Variants in PDE4D observed in about 807,000 individuals in gnomAD.
PDE4D encodes phosphodiesterase 4D, also known as 3',5'-cyclic-AMP phosphodiesterase 4D.
A neutral mutation model predicts 87.4 loss-of-function variants in PDE4D; 24 were observed. That is an observed-to-expected ratio of 0.27 (90% CI 0.20 to 0.39). PDE4D has a LOEUF of 0.39. PDE4D is among the 10% of genes least tolerant of loss of function. The pLI is 1.00. For synonymous variants in PDE4D, 384 were observed against 383.2 expected (o/e 1.00, Z -0.02); for missense variants, 714 against 1,041.0 (o/e 0.69, Z 4.32).
At chr5:59,775,478 A>C (rs1422940389) in intron 1 of PDE4D, among the ~76,000 whole-genome samples, 1 of 151,924 alleles carries the variant, frequency 6.6e-6, no homozygotes, top group Non-Finnish European at 1.5e-5. Flanking sequence ...TATTACCCAC[A>C]TTTTAAATCT....
At chr5:59,549,243 A>C (rs1188019955) in intron 1 of PDE4D, among the ~76,000 whole-genome samples, 1 of 152,210 alleles carries the variant, frequency 6.6e-6, no homozygotes, top group East Asian at 1.9e-4. Context: ...TATGGCCTCC[A>C]AACAGCCAGC....
chr5:59,046,420 A>ATGTGTGTGTG (rs34085161), intron 5 of PDE4D, among the ~76,000 whole-genome samples: 24 of 143,436 alleles, frequency 1.7e-4, no homozygotes, highest in African/African-American at 6.3e-4. Flanking sequence ...GAGAGAGAGA[A>ATGTGTGTGTG]TGTGTGTGTG....
intron 3 of PDE4D, among the ~76,000 whole-genome samples, chr5:59,971,199 G>A (rs867876017): frequency 2.5e-4 from 28 of 112,882 alleles, no homozygotes; most frequent in Middle Eastern, 5.6e-3. Context: ...ACACTCTGGG[G>A]ACTGTTGTGG....
At chr5:59,323,800 G>A (rs919919359) in intron 1 of PDE4D, among the ~76,000 whole-genome samples, 2 of 151,472 alleles carry the variant, frequency 1.3e-5, no homozygotes, top group Non-Finnish European at 2.9e-5. Flanking sequence ...TTTTTGAAGT[G>A]CATATTTAAT....
At chr5:59,504,902 ATGTGTGTG>A (rs61507201) in intron 1 of PDE4D, among the ~76,000 whole-genome samples, 42,909 of 145,730 alleles carry the variant, frequency 0.29, 6,482 homozygotes, top group Non-Finnish European at 0.35. Context: ...GTAGGGGTAT[ATGTGTGTG>A]TGTGTGTGTG....
intron 1 of PDE4D, among the ~76,000 whole-genome samples, chr5:59,487,345 T>C (rs1448146575): frequency 1.3e-5 from 2 of 152,062 alleles, no homozygotes; most frequent in African/African-American, 2.4e-5. Context: ...TGCAGAGAAA[T>C]AGAAATAGCT....
intron 2 of PDE4D, among the ~76,000 whole-genome samples, chr5:60,014,661 T>C (rs2152847430): frequency 6.6e-6 from 1 of 152,280 alleles, no homozygotes; most frequent in East Asian, 1.9e-4. Context: ...CTTGGGGAAA[T>C]AGCTTTCGCC....
intron 1 of PDE4D, among the ~76,000 whole-genome samples, chr5:59,557,638 A>G (rs945972359): frequency 9.2e-5 from 14 of 152,210 alleles, no homozygotes; most frequent in African/African-American, 3.4e-4. Context: ...AGCAGTTCAC[A>G]CTAACAACTG....
chr5:59,649,904 C>CTTTTTTTTTTTTTTTTTTTTTTT, intron 1 of PDE4D, among the ~76,000 whole-genome samples: 1,074 of 73,964 alleles, frequency 0.015, 384 homozygotes, highest in Middle Eastern at 0.034. Context: ...AGTTTGTGAA[C>CTTTTTTTTTTTTTTTTTTTTTTT]CTTTTTTTTT....
At chr5:60,105,126 C>T (rs12515661) in intron 2 of PDE4D, among the ~76,000 whole-genome samples, 34,764 of 152,022 alleles carry the variant, frequency 0.23, 5,066 homozygotes, top group Admixed American at 0.34. Context: ...AAAATTTAGA[C>T]GAACGTATAG....
intron 1 of PDE4D, among the ~76,000 whole-genome samples, chr5:59,374,481 C>T (rs1265371922): frequency 6.6e-6 from 1 of 152,122 alleles, no homozygotes; most frequent in Non-Finnish European, 1.5e-5. Flanking sequence ...ATCTAATTAT[C>T]CTAAATATAT....
At chr5:59,427,759 G>A (rs1299907333) in intron 1 of PDE4D, among the ~76,000 whole-genome samples, 1 of 148,956 alleles carries the variant, frequency 6.7e-6, no homozygotes, top group African/African-American at 2.5e-5. Flanking sequence ...GTTCTAGGCT[G>A]CCCTGATCTA....
intron 1 of PDE4D, among the ~76,000 whole-genome samples, chr5:59,583,877 C>T (rs1438960690): frequency 2.6e-5 from 4 of 152,234 alleles, no homozygotes; most frequent in African/African-American, 7.2e-5. Context: ...AGGACCAGCA[C>T]ATGCCAAGTC....
intron 5 of PDE4D, among the ~76,000 whole-genome samples, chr5:59,121,423 T>C (rs751855414): frequency 6.6e-6 from 1 of 151,968 alleles, no homozygotes; most frequent in South Asian, 2.1e-4. Flanking sequence ...AAAGAAGACA[T>C]ACAAATGTCC....
chr5:60,392,695 T>C (rs925651681), intron 1 of PDE4D, among the ~76,000 whole-genome samples: 1 of 152,230 alleles, frequency 6.6e-6, no homozygotes, highest in Non-Finnish European at 1.5e-5. Context: ...ATCTTCATTT[T>C]CTAGCCTTTT....
Position 58,977,329 on chromosome 5 carries a change from C to A in PDE4D, c.1569G>T (p.Leu523Phe). ...CTAAGACTGAGGAATCATTGTACATCAAGGCAAGTTCAGAGTCTGTAAAAA... is the reference window on the plus strand; with the variant it reads ...CTAAGACTGAGGAATCATTGTACATAAAGGCAAGTTCAGAGTCTGTAAAAA... ...FLINTNSELA[L>F]MYNDSSVLEN... Residue 523 changes from leucine to phenylalanine, a missense_variant, in exon 12 of 15, where the codon TTG becomes TTT. Physicochemically the swap from Leu to Phe is conservative, Grantham distance 22. Transcript: ENST00000340635. 6.2e-7 allele frequency: 1 copy of A among 1,610,390 alleles called. No individual in the cohort carries two copies. Among genetic ancestry groups the A allele is most frequent in the Non-Finnish European group, 8.5e-7 (1 of 1,178,942 alleles).
At chr5:60,138,291 C>T (rs1003973977) in intron 2 of PDE4D, among the ~76,000 whole-genome samples, 4 of 152,026 alleles carry the variant, frequency 2.6e-5, no homozygotes, top group Admixed American at 2.6e-4. Flanking sequence ...AGTTGATCAG[C>T]ATCACTCTGT....
Position 60,189,611 on chromosome 5 carries a change from T to C in PDE4D, c.-89-3924A>G, listed in dbSNP as rs924530810. 7.4e-4 allele frequency among the ~76,000 whole-genome samples: 113 copies of C among 152,202 alleles called. 1 individual carries two copies. Among genetic ancestry groups the C allele is most frequent in the Non-Finnish European group, 1.9e-4 (13 of 68,038 alleles). ...TCCTTAAATATGAGTGAAAAGGGAT[T>C]CCAATCATCCACAAAATATTAGAGA... On this transcript the variant is annotated intron_variant, in intron 1 of 16. Coordinates refer to the PDE4D transcript ENST00000502484.
Position 59,893,654 on chromosome 5 carries a change from G to A in PDE4D, c.-32C>T. ...TCGCGGCTCCGCGACCTGCTGCCCA[G>A]CCCGGGTTCACCGCGCTGGCCCGAG... On this transcript the variant is annotated 5_prime_UTR_variant, in exon 1 of 15. Transcript: ENST00000340635. 6.9e-7 allele frequency: 1 copy of A among 1,448,674 alleles called. No homozygotes were observed. The highest frequency in any genetic ancestry group is 9.0e-7 in the Non-Finnish European group (1 of 1,109,770). 89.7% of individuals were successfully genotyped at this position (1,448,674 alleles called of 1,614,324 possible).
Sources: gnomAD v4.1 joint callset for allele counts (sites outside exome capture counted in the v4.1 genomes callset) on GRCh38, gnomAD v4.1.1 for gene constraint, MANE v1.5 for transcripts, NCBI Gene and HGNC (gene_info 2026-07-23, HGNC 2026-07-21) for gene names.